APC: variants seen among roughly 807,000 people sequenced by gnomAD.
The protein encoded by APC is adenomatous polyposis coli protein.
APC carries 72 observed loss-of-function variants against 247.0 expected under a neutral mutation model. The ratio of observed to expected loss-of-function variants is 0.29; its 90% CI spans 0.24 to 0.35. The LOEUF (loss-of-function observed/expected upper bound fraction) is 0.35. Among genes scored for constraint, APC ranks in the 10% least tolerant of loss-of-function variants. The probability of loss-of-function intolerance (pLI) is 1.00; values close to 1 mark genes in which losing one functional copy is unlikely to be tolerated. For missense variants in APC, 3,400 were observed against 3,360.7 expected, an observed-to-expected ratio of 1.01 and a Z score of -0.29; for synonymous variants, 1,254 against 1,162.5, an observed-to-expected ratio of 1.08 and a Z score of -1.60.
chr5:112,713,027 C>T (rs1420364994), intron 1 of APC, among the ~76,000 whole-genome samples: 3 of 151,900 alleles, frequency 2.0e-5, no homozygotes, highest in Admixed American at 1.3e-4. Context: ...AAAAATTAGC[C>T]GGGTATGGTG....
rs569115657 is a variant in APC at position 112,826,455 on chromosome 5, A to T, written c.1409-653A>T. Among the ~76,000 whole-genome samples, 5 of 152,116 alleles carry T rather than the reference A, an allele frequency of 3.3e-5. No individual in the cohort carries two copies. The East Asian group carries it at 9.7e-4, about 29-fold the overall frequency. ...TTTAGCATTTTCAGTGGAAAGAATCAGGGGAAAGAAAATACTAAATCTTAG... is the reference window on the plus strand; with the variant it reads ...TTTAGCATTTTCAGTGGAAAGAATCTGGGGAAAGAAAATACTAAATCTTAG... On this transcript the variant is annotated intron_variant, in intron 11 of 15. Transcript: ENST00000257430.
chr5:112,772,109 A>G (rs576679341), intron 4 of APC, among the ~76,000 whole-genome samples: 57 of 152,226 alleles, frequency 3.7e-4, no homozygotes, highest in Non-Finnish European at 7.6e-4. Flanking sequence ...TTGAATGCTA[A>G]TACAAATGTG....
chr5:112,730,710 G>C (rs1752056992), intron 1 of APC, among the ~76,000 whole-genome samples: 1 of 152,056 alleles, frequency 6.6e-6, no homozygotes, highest in Non-Finnish European at 1.5e-5. Flanking sequence ...CTCCCACCCA[G>C]CTGCCCCTTT....
Position 112,839,333 on chromosome 5 carries a change from G to A in APC, c.3739G>A (p.Ala1247Thr), listed in dbSNP as rs148223181. 114 of 1,613,154 alleles carry A rather than the reference G, an allele frequency of 7.1e-5. No individual in the cohort carries two copies. The African/African-American group carries it at 1.4e-3, about 20-fold the overall frequency. Residue 1247 changes from alanine (A) to threonine (T), a missense_variant, in exon 16 of 16, where the codon GCC becomes ACC. Transcript: ENST00000257430. This position sits in a 1 kb window ranked among gnomAD's most constrained non-coding sequence, Gnocchi z 5.0. ...QSRSGQPQKA[A>T]TCKVSSINQE... is the part of the protein sequence containing the mutation. ...TAGAAGTGGTCAGCCTCAAAAGGCT[G>A]CCACTTGCAAAGTTTCTTCTATTAA...
rs751249843 is a variant in APC at position 112,839,129 on chromosome 5, T to A, written c.3535T>A (p.Tyr1179Asn). 1.2e-5 allele frequency: 20 copies of A among 1,614,100 alleles called. No homozygotes were observed. The highest frequency in any genetic ancestry group is 1.6e-5 in the Non-Finnish European group (19 of 1,180,024). Residue 1179 changes from tyrosine (Y) to asparagine (N), a missense_variant, in exon 16 of 16, where the codon TAT (tyrosine) becomes AAT (asparagine). Physicochemically the swap from Tyr to Asn is moderately radical, Grantham distance 143 (BLOSUM62 -2). Transcript: ENST00000257430. This position sits in a 1 kb window ranked among gnomAD's most constrained non-coding sequence, Gnocchi z 5.0. ...ACGTCATGTGGATCAGCCTATTGAT[T>A]ATAGTTTAAAATATGCCACAGATAT... ...EKRHVDQPIDYSLKYATDIPS... is the reference protein window; with the variant it reads ...EKRHVDQPIDNSLKYATDIPS...
chr5:112,753,420 AC>A (rs915445568), intron 1 of APC, among the ~76,000 whole-genome samples: 9 of 152,226 alleles, frequency 5.9e-5, no homozygotes, highest in African/African-American at 9.6e-5. Context: ...TTTTTAGCAT[AC>A]CTTTTTTTAT....
rs746199968 is a variant in APC, at chr5:112,707,777, A to T, written c.60A>T (p.Ser20=). 7.3e-7 allele frequency: 1 copy of T among 1,370,050 alleles called. No individual in the cohort carries two copies. The highest frequency in any genetic ancestry group is 1.2e-5 in the South Asian group (1 of 81,694). The allele number at this position is 1,370,050 out of a possible 1,614,324, so 84.9% of individuals were successfully genotyped here. Reference sequence around the variant, plus strand: ...CTTTGCCCGCTTCTGTACCACCCTCAGTTCTCGGGTCCTGGAGCACCGGCG... The same window carrying T: ...CTTTGCCCGCTTCTGTACCACCCTCTGTTCTCGGGTCCTGGAGCACCGGCG... The change falls in exon 1 of 14, where the codon TCA becomes TCT. Residue 20 remains serine (S), a synonymous_variant. Transcript: ENST00000507379.
intron 1 of APC, among the ~76,000 whole-genome samples, chr5:112,716,019 T>C (rs889185606): frequency 6.6e-6 from 1 of 152,274 alleles, no homozygotes; most frequent in Admixed American, 6.5e-5. Flanking sequence ...CTTTTCCTTA[T>C]TAGTTTCACC....
At chr5:112,763,487 C>G (rs532230116) in intron 2 of APC, among the ~76,000 whole-genome samples, 25 of 151,944 alleles carry the variant, frequency 1.6e-4, no homozygotes, top group Admixed American at 1.2e-3. Flanking sequence ...TGTTGGACAT[C>G]TGAATTTATA....
In APC at chr5:112,839,897, A is replaced by G. The variant is rs1454804146; in HGVS notation, c.4303A>G (p.Arg1435Gly). The change falls in exon 16 of 16, where the codon AGA becomes GGA. Residue 1435 changes from arginine (R) to glycine (G), a missense_variant. By Grantham distance (125) the Arg-to-Gly change is moderately radical. Around this residue, in one of 9 missense-constraint regions of APC, gnomAD observed 1,788 missense variants for 1,649.5 expected, o/e 1.08. Transcript: ENST00000257430. This position sits in a 1 kb window ranked among gnomAD's most constrained non-coding sequence, Gnocchi z 5.0. ...CCCTGGACAAACCATGCCACCAAGCAGAAGTAAAACACCTCCACCACCTCC... is the reference window on the plus strand; with the variant it reads ...CCCTGGACAAACCATGCCACCAAGCGGAAGTAAAACACCTCCACCACCTCC... The part of the protein sequence containing the change: ...DSPGQTMPPS[R>G]SKTPPPPPQT... 1.2e-6 allele frequency: 2 copies of G among 1,614,000 alleles called. No individual in the cohort carries two copies. The highest frequency in any genetic ancestry group is 1.3e-5 in the African/African-American group (1 of 74,916).
intron 1 of APC, among the ~76,000 whole-genome samples, chr5:112,742,330 T>C (rs1753131862): frequency 6.6e-6 from 1 of 152,210 alleles, no homozygotes; most frequent in Non-Finnish European, 1.5e-5. Flanking sequence ...CTTTATGATA[T>C]ACATTCTTAT....
intron 8 of APC, among the ~76,000 whole-genome samples, chr5:112,812,558 C>A (rs1332251094): frequency 1.3e-5 from 2 of 152,168 alleles, no homozygotes; most frequent in East Asian, 3.9e-4. Context: ...CCTGGGCTGC[C>A]CTGTGGCTAA....
rs1763469821 is a variant in APC at position 112,824,746 on chromosome 5, TCA to T, written c.1409-2361_1409-2360del. ...TAAAATACTCGACATCTTGGGGATC[TCA>T]TTAGTATACCAGGCCAAGTCTTAAG... On this transcript the variant is annotated intron_variant, in intron 11 of 15. Transcript: ENST00000257430. Among the ~76,000 whole-genome samples the T allele has an allele frequency of 2.5e-4, 8 of 32,234 alleles. No homozygotes were observed. The Admixed American group carries it at 3.5e-3, about 14-fold the overall frequency. 21.1% of individuals were successfully genotyped at this position (32,234 alleles called of 152,430 possible).
At chr5:112,812,846 G>A (rs1378629501) in intron 8 of APC, among the ~76,000 whole-genome samples, 1 of 152,218 alleles carries the variant, frequency 6.6e-6, no homozygotes. Context: ...TTGGTTGCAT[G>A]TGGATTTAAA....
chr5:112,824,624 C>G (rs1246301552), intron 11 of APC, among the ~76,000 whole-genome samples: 3 of 152,112 alleles, frequency 2.0e-5, no homozygotes, highest in Non-Finnish European at 4.4e-5. Flanking sequence ...TGCATTTTAT[C>G]TTTCTTAAGA....
At chr5:112,786,537 G>A (rs538767909) in intron 6 of APC, among the ~76,000 whole-genome samples, 1 of 152,262 alleles carries the variant, frequency 6.6e-6, no homozygotes, top group East Asian at 1.9e-4. Context: ...TGTTAATAGA[G>A]CTTACTACTG....
At chr5:112,787,978 A>G (rs1194128484) in intron 6 of APC, among the ~76,000 whole-genome samples, 1 of 152,222 alleles carries the variant, frequency 6.6e-6, no homozygotes, top group Non-Finnish European at 1.5e-5. Flanking sequence ...ATGTGTGTAT[A>G]TATAGTTATG....
rs2251913 is a variant in APC, at chr5:112,800,040, A to G, written c.730-1239A>G. Among the ~76,000 whole-genome samples the G allele has an allele frequency of 0.39, 60,008 of 151,948 alleles. 14,317 individuals carry two copies. Among genetic ancestry groups the G allele is most frequent in the East Asian group, 0.69 (3,539 of 5,154 alleles). Reference sequence around the variant, plus strand: ...TACCCTTCTTTCATGGCATTTGTCAATTTTACCTTTATTATTTCTGTCATT... The same window carrying G: ...TACCCTTCTTTCATGGCATTTGTCAGTTTTACCTTTATTATTTCTGTCATT... On this transcript the variant is annotated intron_variant, in intron 7 of 15. Transcript: ENST00000257430.
At chr5:112,731,722 A>G (rs1343014636) in intron 1 of APC, among the ~76,000 whole-genome samples, 1 of 151,920 alleles carries the variant, frequency 6.6e-6, no homozygotes, top group African/African-American at 2.4e-5. Flanking sequence ...TATTTCTTTG[A>G]TCATTTGATA....
Sources: allele counts gnomAD v4.1 joint callset (sites outside exome capture counted in the v4.1 genomes callset), GRCh38; gene constraint gnomAD v4.1.1; regional missense constraint gnomAD v4.1.1; non-coding constraint Gnocchi (gnomAD v3.1); transcripts MANE v1.5; gene names NCBI Gene and HGNC (gene_info 2026-07-23, HGNC 2026-07-21).